COL18A1: variants seen among roughly 807,000 people sequenced by gnomAD.
COL18A1 encodes collagen alpha-1(XVIII) chain.
In COL18A1, 133 loss-of-function variants were observed where a neutral mutation model predicts 168.0. The observed-to-expected ratio is 0.79, with a 90% CI of 0.69 to 0.91. The LOEUF is 0.91. COL18A1 is among the 40% of genes least tolerant of loss of function. COL18A1 has a pLI of 0.00. For missense variants in COL18A1, 2,126 were observed against 1,925.4 expected, an observed-to-expected ratio of 1.10 and a Z score of -1.95; for synonymous variants, 949 against 809.0, an observed-to-expected ratio of 1.17 and a Z score of -2.94.
chr21:45,475,553 G>T lies in COL18A1; in HGVS notation c.798+18G>T. 1 of 1,598,706 alleles carries T rather than the reference G, an allele frequency of 6.3e-7. No individual in the cohort carries two copies. On this transcript the variant is annotated intron_variant, in intron 5 of 41. Transcript: ENST00000651438. ...AGGAGACGGTGAGTAGCCGGACGGG[G>T]CCCAGCCCACGCTGCAGGGTCCCGG... is the stretch of plus-strand genomic sequence containing the variant.
rs1311034095 is a variant in COL18A1, at chr21:45,473,626, T to A, written c.652-269T>A. Among the ~76,000 whole-genome samples the A allele has an allele frequency of 6.6e-6, 1 of 152,086 alleles. No homozygotes were observed. Among genetic ancestry groups the A allele is most frequent in the South Asian group, 2.1e-4 (1 of 4,828 alleles). ...AAACCCGTAGCCCTCAGGTGGCCCA[T>A]CAGCTGCCTCAGATGAGCCAAGTCT... On this transcript the variant is annotated intron_variant, in intron 3 of 41. Coordinates refer to ENST00000651438, the MANE Select transcript of COL18A1 (RefSeq NM_001379500.1). The surrounding 1 kb of genome is among the most constrained non-coding windows in gnomAD (Gnocchi z 4.0).
chr21:45,453,106 C>G (rs1321803126), intron 2 of COL18A1, among the ~76,000 whole-genome samples: 1 of 150,936 alleles, frequency 6.6e-6, no homozygotes, highest in Non-Finnish European at 1.5e-5. Flanking sequence ...GACATGTAAG[C>G]ATTATGTATG....
rs2033779876 is a variant in COL18A1, at chr21:45,425,763, G to A, written c.106+20290G>A. On this transcript the variant is annotated intron_variant, in intron 2 of 41. Coordinates refer to ENST00000651438, the MANE Select transcript of COL18A1 (RefSeq NM_001379500.1). The surrounding 1 kb of genome is among the most constrained non-coding windows in gnomAD (Gnocchi z 4.1). ...CCCCCATCCTCCCCAGGGTGGTCTG[G>A]CAGGGGACACTGTTTTCCAAAGCAA... 6.6e-6 allele frequency among the ~76,000 whole-genome samples: 1 copy of A among 152,002 alleles called. No individual in the cohort carries two copies. The highest frequency in any genetic ancestry group is 1.5e-5 in the Non-Finnish European group (1 of 67,964).
intron 2 of COL18A1, among the ~76,000 whole-genome samples, chr21:45,435,307 G>A (rs867962885): frequency 1.6e-3 from 201 of 129,470 alleles, no homozygotes; most frequent in African/African-American, 5.6e-3. Flanking sequence ...AAGGTGGGGT[G>A]GGGGTGGGCG....
chr21:45,476,599 A>G, intron 6 of COL18A1, 119 bp downstream of exon 6: 11 of 1,277,366 alleles, frequency 8.6e-6, no homozygotes, highest in Non-Finnish European at 1.1e-5. Context: ...TGTGGTGTAT[A>G]TGGTACATGT....
rs557054483 is a variant in COL18A1, at chr21:45,505,421, C to G, written c.3077C>G (p.Ala1026Gly). The change falls in exon 36 of 42, where the codon GCC (alanine) becomes GGC (glycine). Residue 1026 changes from alanine to glycine, a missense_variant. By Grantham distance (60) the Ala-to-Gly change is moderately conservative. Transcript: ENST00000651438. The part of the protein sequence containing the change: ...GPPGPPGTMG[A>G]SSGVRLWATR... ...CCTGGGCCCCCTGGAACCATGGGCG[C>G]CTCCTCAGGGGTAAGTGTCTGGGCA... The G allele has an allele frequency of 6.4e-6, 10 of 1,555,052 alleles. No individual in the cohort carries two copies. Among genetic ancestry groups the G allele is most frequent in the Admixed American group, 5.4e-5 (3 of 56,044 alleles).
At chr21:45,480,895 G>A (rs1317935688) in intron 13 of COL18A1, 37 bp downstream of exon 13, 6 of 1,586,104 alleles carry the variant, frequency 3.8e-6, no homozygotes, top group Non-Finnish European at 5.1e-6. Context: ...CGGGAGCCCT[G>A]TCTGCTGGGA....
chr21:45,493,161 A>G lies in COL18A1; in HGVS notation c.2215-2A>G, dbSNP rs1207980704. On this transcript the variant is annotated splice_acceptor_variant, in intron 24 of 41. Transcript: ENST00000651438. LOFTEE classifies it high-confidence loss of function. ...GGCCTCACGGCCTGGCCTCCATTCC[A>G]GGGACCTGCAGGACCCAAGGGCAAC... 1 of 1,556,408 alleles carries G rather than the reference A, an allele frequency of 6.4e-7. No homozygotes were observed. The highest frequency in any genetic ancestry group is 8.7e-7 in the Non-Finnish European group (1 of 1,150,084).
chr21:45,478,723 C>T (rs1225977727), intron 9 of COL18A1, among the ~76,000 whole-genome samples: 1 of 151,906 alleles, frequency 6.6e-6, no homozygotes, highest in African/African-American at 2.4e-5. Context: ...CTGTGAAGTC[C>T]GAGCTTCGTC....
In COL18A1 at chr21:45,498,364, C is replaced by G; in HGVS notation, c.2683+703C>G. 1.5e-6 allele frequency: 1 copy of G among 648,116 alleles called. No homozygotes were observed. Among genetic ancestry groups the G allele is most frequent in the Non-Finnish European group, 2.9e-6 (1 of 350,692 alleles). 40.1% of individuals were successfully genotyped at this position (648,116 alleles called of 1,614,324 possible). ...CTCTCACCGCCAGGGTTCCCTCTCG[C>G]CACCACGGTCCCCTCTCGCCGCCAG... On this transcript the variant is annotated intron_variant, in intron 32 of 41. Transcript: ENST00000651438. This position sits in a 1 kb window ranked among gnomAD's most constrained non-coding sequence, Gnocchi z 4.5.
chr21:45,493,831 T>C, intron 26 of COL18A1: 2 of 537,328 alleles, frequency 3.7e-6, no homozygotes, highest in Non-Finnish European at 6.7e-6. Flanking sequence ...AGGTTCTCAG[T>C]GGGCTGCAGC....
chr21:45,473,472 G>T lies in COL18A1; in HGVS notation c.652-423G>T, dbSNP rs894168566. Among the ~76,000 whole-genome samples, 1 of 152,208 alleles carries T rather than the reference G, an allele frequency of 6.6e-6. No individual in the cohort carries two copies. The highest frequency in any genetic ancestry group is 2.4e-5 in the African/African-American group (1 of 41,454). ...CATGGTGCCACCTCGGTTGGTCCGA[G>T]TCGGGAGATGAGGCCGCCTGGTGCT... On this transcript the variant is annotated intron_variant, in intron 3 of 41. Coordinates refer to ENST00000651438, the MANE Select transcript of COL18A1 (RefSeq NM_001379500.1). This position sits in a 1 kb window ranked among gnomAD's most constrained non-coding sequence, Gnocchi z 4.0.
In COL18A1 at chr21:45,482,040, G is replaced by A. The variant is rs201043325; in HGVS notation, c.1674+15G>A. 2.4e-5 allele frequency: 38 copies of A among 1,609,578 alleles called. No homozygotes were observed. The East Asian group carries it at 2.7e-4, about 11-fold the overall frequency. ...AAGGCAGCCTGGTAAGTCTTCCCTC[G>A]AGTCCAGGGTGAGTGGGAACCAGCA... On this transcript the variant is annotated intron_variant, in intron 14 of 41. Coordinates refer to ENST00000651438, the MANE Select transcript of COL18A1 (RefSeq NM_001379500.1).
Position 45,491,243 on chromosome 21 carries a change from G to A in COL18A1, c.2086G>A (p.Gly696Arg), listed in dbSNP as rs774209774. 1.7e-5 allele frequency: 27 copies of A among 1,612,048 alleles called. No individual in the cohort carries two copies. The highest frequency in any genetic ancestry group is 1.1e-4 in the East Asian group (5 of 44,848). ...CTTCCAGGGAGATCCAGGGAAGGAC[G>A]GAGTCGGGCAGCCGGGCCTCCCTGG... The part of the protein sequence containing the change: ...RGEKGDPGKD[G>R]VGQPGLPGPP... The change falls in exon 22 of 42, where the codon GGA becomes AGA. Residue 696 changes from glycine (G) to arginine (R), a missense_variant. By Grantham distance (125) the Gly-to-Arg change is moderately radical. Coordinates refer to ENST00000651438, the MANE Select transcript of COL18A1 (RefSeq NM_001379500.1).
At chr21:45,456,030 C>G in intron 2 of COL18A1, 2 of 1,609,840 alleles carry the variant, frequency 1.2e-6, no homozygotes, top group Non-Finnish European at 1.7e-6. Context: ...AATGGGACCA[C>G]TCTCTGGCCC....
intron 4 of COL18A1, 111 bp downstream of exon 4, chr21:45,474,092 G>A: frequency 1.3e-6 from 1 of 783,782 alleles, no homozygotes; most frequent in African/African-American, 1.7e-5. Context: ...TTGGGGCACT[G>A]GGAAGCTGCG....
At chr21:45,417,770 C>G (rs1230005108) in intron 2 of COL18A1, among the ~76,000 whole-genome samples, 2 of 152,216 alleles carry the variant, frequency 1.3e-5, no homozygotes, top group African/African-American at 4.8e-5. Context: ...CAGAGCTGGG[C>G]CCTCCATCCT....
At chr21:45,470,582 G>C (rs756600869) in intron 3 of COL18A1, among the ~76,000 whole-genome samples, 1 of 150,962 alleles carries the variant, frequency 6.6e-6, no homozygotes, top group Non-Finnish European at 1.5e-5. Flanking sequence ...TGCCTCCCAG[G>C]TTCATGCGAT....
At chr21:45,479,579 C>T (rs1346908820) in intron 9 of COL18A1, among the ~76,000 whole-genome samples, 2 of 150,510 alleles carry the variant, frequency 1.3e-5, no homozygotes, top group Admixed American at 6.6e-5. Context: ...ACACCACACT[C>T]CTCACACACA....
Sources: allele counts gnomAD v4.1 joint callset (sites outside exome capture counted in the v4.1 genomes callset), GRCh38; gene constraint gnomAD v4.1.1; non-coding constraint Gnocchi (gnomAD v3.1); transcripts MANE v1.5; gene names NCBI Gene and HGNC (gene_info 2026-07-23, HGNC 2026-07-21).